SENP6: variants seen among roughly 807,000 people sequenced by gnomAD.
SENP6 encodes the protein SUMO specific peptidase 6.
A neutral mutation model predicts 134.5 loss-of-function variants in SENP6; 41 were observed. The ratio of observed to expected loss-of-function variants is 0.30; its 90% CI spans 0.24 to 0.40. The LOEUF is 0.40. Ranked by LOEUF, SENP6 falls within the 10% of genes least tolerant of loss-of-function variation. The probability of loss-of-function intolerance (pLI) is 1.00; values close to 1 mark genes in which losing one functional copy is unlikely to be tolerated. For missense variants in SENP6, 1,248 were observed against 1,312.5 expected (o/e 0.95, Z 0.76); for synonymous variants, 395 against 429.8 (o/e 0.92, Z 1.00).
At chr6:75,683,971 T>C (rs929335912) in intron 16 of SENP6, among the ~76,000 whole-genome samples, 1 of 152,232 alleles carries the variant, frequency 6.6e-6, no homozygotes, top group African/African-American at 2.4e-5. Context: ...ACATTGAATC[T>C]ATACATTACT....
At chr6:75,622,519 A>C (rs1561974318) in intron 2 of SENP6, among the ~76,000 whole-genome samples, 1 of 152,218 alleles carries the variant, frequency 6.6e-6, no homozygotes, top group Non-Finnish European at 1.5e-5. Context: ...AGATCATGCC[A>C]TTGCACTCCA....
intron 1 of SENP6, among the ~76,000 whole-genome samples, chr6:75,616,540 G>A (rs511900): frequency 0.92 from 139,850 of 151,936 alleles, 64,948 homozygotes; most frequent in South Asian, 0.99. Context: ...CAAGGTCAGG[G>A]GTTCGAGACC....
At chr6:75,661,760 A>T (rs1459365756) in intron 8 of SENP6, among the ~76,000 whole-genome samples, 2 of 152,180 alleles carry the variant, frequency 1.3e-5, no homozygotes, top group Non-Finnish European at 2.9e-5. Context: ...AGAAAACAAG[A>T]TCTGTGGGCC....
At chr6:75,681,366 T>C (rs1280083492) in intron 16 of SENP6, among the ~76,000 whole-genome samples, 2 of 152,162 alleles carry the variant, frequency 1.3e-5, no homozygotes, top group African/African-American at 4.8e-5. Flanking sequence ...ATTCCAAGTT[T>C]CCTGAGGCCT....
chr6:75,651,680 C>A (rs1373878756), intron 7 of SENP6, among the ~76,000 whole-genome samples: 1 of 152,030 alleles, frequency 6.6e-6, no homozygotes, highest in Non-Finnish European at 1.5e-5. Context: ...GTCATGGTAG[C>A]TGTTGTTAAT....
At chr6:75,668,039 C>T (rs1194974109) in intron 10 of SENP6, among the ~76,000 whole-genome samples, 1 of 151,914 alleles carries the variant, frequency 6.6e-6, no homozygotes, top group African/African-American at 2.4e-5. Context: ...AGTACAGATA[C>T]AAATATGGGA....
chr6:75,680,202 A>T (rs1773368220), intron 16 of SENP6, among the ~76,000 whole-genome samples: 1 of 152,202 alleles, frequency 6.6e-6, no homozygotes, highest in South Asian at 2.1e-4. Flanking sequence ...GGTACCAGGT[A>T]GCTCCTAGTT....
At chr6:75,670,980 A>G (rs1688731655) in intron 11 of SENP6, among the ~76,000 whole-genome samples, 2 of 151,410 alleles carry the variant, frequency 1.3e-5, no homozygotes, top group African/African-American at 4.8e-5. Context: ...AAACCTTCCA[A>G]TATGTTAGTT....
chr6:75,624,118 T>G (rs1470667471), intron 3 of SENP6, among the ~76,000 whole-genome samples, 158 bp downstream of exon 3: 1 of 152,206 alleles, frequency 6.6e-6, no homozygotes, highest in African/African-American at 2.4e-5. Context: ...ACTTTGGGAA[T>G]GTTTCATGCA....
At position 75,717,679 on chromosome 6, in the gene SENP6, G is replaced by A. The variant is rs139929194; in HGVS notation, c.*2085G>A. The A allele has an allele frequency of 1.1e-4, 16 of 152,242 alleles. No individual in the cohort carries two copies. In the East Asian group the frequency reaches 2.7e-3, roughly 26 times the overall value. The allele number at this position is 152,242 out of a possible 1,614,324, so 9.4% of individuals were successfully genotyped here. A position where few individuals can be genotyped will look rare whatever the true frequency, so the allele number is the denominator to read the frequency against. On this transcript the variant is annotated 3_prime_UTR_variant, in exon 24 of 24. Coordinates refer to ENST00000447266, the MANE Select transcript of SENP6 (RefSeq NM_015571.4). ...AATTGTGTATTCTATGTAGTTTAAA[G>A]TGGGATCAAGCCTTTTAAAATGTGT...
At chr6:75,642,962 GT>G (rs1770144645) in intron 6 of SENP6, among the ~76,000 whole-genome samples, 1 of 152,086 alleles carries the variant, frequency 6.6e-6, no homozygotes, top group African/African-American at 2.4e-5. Flanking sequence ...GATTGGAAGG[GT>G]TAAGGTGGAA....
chr6:75,644,489 T>G (rs980493311), intron 6 of SENP6, among the ~76,000 whole-genome samples: 3 of 151,192 alleles, frequency 2.0e-5, no homozygotes, highest in Admixed American at 6.6e-5. Context: ...TTTTTTTTTT[T>G]GTTTTCTTTT....
intron 6 of SENP6, 109 bp from the exon 7 acceptor site, chr6:75,647,622 A>G (rs935627770): frequency 1.8e-6 from 1 of 566,614 alleles, no homozygotes; most frequent in Non-Finnish European, 3.1e-6. Context: ...TATATGGCAA[A>G]GAAGCTATGA....
At chr6:75,633,122 A>G (rs976462447) in intron 3 of SENP6, among the ~76,000 whole-genome samples, 4 of 152,178 alleles carry the variant, frequency 2.6e-5, no homozygotes, top group South Asian at 2.1e-4. Flanking sequence ...ATTTGCATCT[A>G]TTGAAGTATA....
At chr6:75,683,478 A>G (rs1172603631) in intron 16 of SENP6, among the ~76,000 whole-genome samples, 1 of 152,196 alleles carries the variant, frequency 6.6e-6, no homozygotes, top group South Asian at 2.1e-4. Context: ...GCCCATGCCT[A>G]TGACCTGAAT....
At chr6:75,700,711 C>T (rs1774968193) in intron 18 of SENP6, among the ~76,000 whole-genome samples, 1 of 152,142 alleles carries the variant, frequency 6.6e-6, no homozygotes, top group African/African-American at 2.4e-5. Context: ...AGGCCAGTCT[C>T]CAACTCCTGA....
chr6:75,683,246 G>C (rs549893566), intron 16 of SENP6, among the ~76,000 whole-genome samples: 1 of 152,068 alleles, frequency 6.6e-6, no homozygotes, highest in East Asian at 1.9e-4. Context: ...CCCATTTTTT[G>C]ATGGGGTTTT....
intron 11 of SENP6, among the ~76,000 whole-genome samples, chr6:75,671,668 G>T (rs1772687119): frequency 6.6e-6 from 1 of 152,196 alleles, no homozygotes; most frequent in African/African-American, 2.4e-5. Flanking sequence ...GTTGCAGTGA[G>T]CCGAGACGGC....
rs986972755 is a variant in SENP6 at position 75,691,081 on chromosome 6, C to T, written c.2076-4723C>T. On this transcript the variant is annotated intron_variant, in intron 16 of 23. Coordinates refer to ENST00000447266, the MANE Select transcript of SENP6 (RefSeq NM_015571.4). ...CTGGTCTCAAATTTCTGGGCTGAAG[C>T]GATCCTCCCACCTTGGCCTCCAAAG... 5.3e-5 allele frequency among the ~76,000 whole-genome samples: 8 copies of T among 150,730 alleles called. No homozygotes were observed. The East Asian group carries it at 1.4e-3, about 26-fold the overall frequency.
Sources: gnomAD v4.1 joint callset for allele counts (sites outside exome capture counted in the v4.1 genomes callset) on GRCh38, gnomAD v4.1.1 for gene constraint, MANE v1.5 for transcripts, NCBI Gene and HGNC (gene_info 2026-07-23, HGNC 2026-07-21) for gene names.